Variants in ARSB observed in about 807,000 individuals in gnomAD.
The protein encoded by ARSB is N-acetylgalactosamine-4-sulfatase.
Under a neutral mutation model 50.9 loss-of-function variants are expected in ARSB, and 41 were observed. The ratio of observed to expected loss-of-function variants is 0.81; its 90% CI spans 0.63 to 1.04. ARSB has a LOEUF of 1.04. ARSB is among the 50% of genes least tolerant of loss of function. ARSB has a pLI of 0.00. For missense variants in ARSB, 672 were observed against 693.3 expected, an observed-to-expected ratio of 0.97 and a Z score of 0.35; for synonymous variants, 269 against 284.8, an observed-to-expected ratio of 0.94 and a Z score of 0.56.
chr5:78,976,441 G>T (rs558018610), intron 1 of ARSB, among the ~76,000 whole-genome samples: 25 of 151,908 alleles, frequency 1.6e-4, no homozygotes, highest in Non-Finnish European at 2.6e-4. Flanking sequence ...TCAGTCTCCT[G>T]TGTAGCTGGG....
rs73113983 is a variant in ARSB at position 78,932,916 on chromosome 5, T to G, written c.898+22379A>C. ...AACAGCTCAAGCCCCAGCTCCTCTG[T>G]GAAGTCTTCTCACACAACTCCACTC... On this transcript the variant is annotated intron_variant, in intron 4 of 7. Transcript: ENST00000264914. Among the ~76,000 whole-genome samples the G allele has an allele frequency of 7.5e-3, 1,147 of 152,294 alleles. 16 individuals carry two copies. Among genetic ancestry groups the G allele is most frequent in the African/African-American group, 0.026 (1,101 of 41,564 alleles).
intron 2 of ARSB, 42 bp from the exon 3 acceptor site, chr5:78,964,648 C>T (rs776873835): frequency 6.3e-7 from 1 of 1,578,590 alleles, no homozygotes; most frequent in Admixed American, 1.7e-5. Context: ...TAGCATAAAA[C>T]TTGTTAAACA....
intron 6 of ARSB, among the ~76,000 whole-genome samples, chr5:78,785,909 A>T (rs1374815154): frequency 1.3e-5 from 2 of 152,236 alleles, no homozygotes; most frequent in Non-Finnish European, 2.9e-5. Flanking sequence ...CTGCAGAAGA[A>T]GGGTCAGAGA....
At chr5:78,960,233 T>C (rs927229139) in intron 3 of ARSB, among the ~76,000 whole-genome samples, 1 of 152,228 alleles carries the variant, frequency 6.6e-6, no homozygotes, top group Non-Finnish European at 1.5e-5. Context: ...TGGGGGTTCT[T>C]TTCCCTTTAT....
intron 4 of ARSB, among the ~76,000 whole-genome samples, chr5:78,886,704 G>T (rs191102543): frequency 6.3e-4 from 95 of 151,988 alleles, no homozygotes; most frequent in Non-Finnish European, 8.1e-4. Flanking sequence ...AACTCCCAAA[G>T]TATCCACAGA....
At position 78,955,239 on chromosome 5, in the gene ARSB, T is replaced by C. The variant is rs191984227; in HGVS notation, c.898+56A>G. ...CTCCAATTTGTCTTCATTCCACTTA[T>C]CAAATACCATGTCCTAGGCTTTGCC... On this transcript the variant is annotated intron_variant, in intron 4 of 7. Coordinates refer to ENST00000264914, the MANE Select transcript of ARSB (RefSeq NM_000046.5). 3.2e-5 allele frequency: 51 copies of C among 1,573,394 alleles called. No homozygotes were observed. The African/African-American group carries it at 4.8e-4, about 15-fold the overall frequency.
chr5:78,836,422 G>A (rs1744958006), intron 6 of ARSB, among the ~76,000 whole-genome samples: 1 of 152,184 alleles, frequency 6.6e-6, no homozygotes, highest in South Asian at 2.1e-4. Context: ...CCAACATGAA[G>A]GCCTGGGTGG....
chr5:78,954,603 C>T (rs1177276248), intron 4 of ARSB, among the ~76,000 whole-genome samples: 2 of 152,136 alleles, frequency 1.3e-5, no homozygotes, highest in African/African-American at 4.8e-5. Context: ...CTCCTGGATT[C>T]AAGCAGTTCT....
intron 6 of ARSB, among the ~76,000 whole-genome samples, chr5:78,830,120 G>C: frequency 6.6e-6 from 1 of 152,190 alleles, no homozygotes; most frequent in South Asian, 2.1e-4. Context: ...ATAATTAACA[G>C]GCTACACTTG....
At chr5:78,859,422 C>T (rs1335710115) in intron 5 of ARSB, among the ~76,000 whole-genome samples, 4 of 152,134 alleles carry the variant, frequency 2.6e-5, no homozygotes, top group African/African-American at 4.8e-5. Context: ...ATTGGTAGGA[C>T]TTCTGGGTTA....
At position 78,778,898 on chromosome 5, in the gene ARSB, G is replaced by T. The variant is rs886060787; in HGVS notation, c.*1499C>A. On this transcript the variant is annotated 3_prime_UTR_variant, in exon 8 of 8. Transcript: ENST00000264914. ...CTGGGTGTGGCGGTATATGCCTGTA[G>T]TTCCAGCTATTTGGGTGCCTGAGGT... 6.6e-6 allele frequency: 1 copy of T among 152,062 alleles called. No homozygotes were observed. Among genetic ancestry groups the T allele is most frequent in the African/African-American group, 2.4e-5 (1 of 41,392 alleles). The allele number at this position is 152,062 out of a possible 1,614,324, so 9.4% of individuals were successfully genotyped here.
At chr5:78,905,468 G>A (rs1392236840) in intron 4 of ARSB, among the ~76,000 whole-genome samples, 1 of 151,722 alleles carries the variant, frequency 6.6e-6, no homozygotes, top group Non-Finnish European at 1.5e-5. Context: ...TGGTTAAGCA[G>A]AGAATCAACC....
rs1749272739 is a variant in ARSB, at chr5:78,910,725, T to A, written c.899-24898A>T. Among the ~76,000 whole-genome samples, 5 of 152,210 alleles carry A rather than the reference T, an allele frequency of 3.3e-5. No individual in the cohort carries two copies. The South Asian group carries it at 1.0e-3, about 32-fold the overall frequency. The stretch of plus-strand genomic sequence containing the variant: ...AAAATATCTGAGCACACTAAAAAAA[T>A]TTTTAAAAATCCAACTATCTGAAAA... On this transcript the variant is annotated intron_variant, in intron 4 of 7. Coordinates refer to ENST00000264914, the MANE Select transcript of ARSB (RefSeq NM_000046.5).
At chr5:78,867,880 T>A (rs1359410386) in intron 5 of ARSB, among the ~76,000 whole-genome samples, 1 of 140,126 alleles carries the variant, frequency 7.1e-6, no homozygotes, top group Non-Finnish European at 1.5e-5. Flanking sequence ...CGGGAGGACA[T>A]TCAAACCAAA....
chr5:78,818,598 CTTTTTTT>C (rs775162579), intron 6 of ARSB, among the ~76,000 whole-genome samples: 3 of 74,170 alleles, frequency 4.0e-5, no homozygotes, highest in Admixed American at 2.2e-4. Flanking sequence ...AAATAAAGCT[CTTTTTTT>C]TTTTTTTTTT....
chr5:78,885,877 C>T (rs1234021633), intron 4 of ARSB, 50 bp from the exon 5 acceptor site: 1 of 1,609,782 alleles, frequency 6.2e-7, no homozygotes, highest in South Asian at 1.1e-5. Flanking sequence ...CTCTTAAATA[C>T]ATTTAAGAAC....
chr5:78,940,174 G>A (rs982446201), intron 4 of ARSB, among the ~76,000 whole-genome samples: 11 of 152,134 alleles, frequency 7.2e-5, no homozygotes, highest in African/African-American at 2.7e-4. Context: ...GTAGATTCTG[G>A]ATATTAGCCC....
At chr5:78,836,301 G>A (rs1375138162) in intron 6 of ARSB, among the ~76,000 whole-genome samples, 1 of 152,186 alleles carries the variant, frequency 6.6e-6, no homozygotes, top group Non-Finnish European at 1.5e-5. Flanking sequence ...AGCAGAGAAC[G>A]CTGTGTGTGT....
chr5:78,945,233 G>C (rs1422138251), intron 4 of ARSB, among the ~76,000 whole-genome samples: 1 of 152,182 alleles, frequency 6.6e-6, no homozygotes, highest in Non-Finnish European at 1.5e-5. Context: ...TCCCGGGTGA[G>C]GCGATGCCTC....
Sources: allele counts gnomAD v4.1 joint callset (sites outside exome capture counted in the v4.1 genomes callset), GRCh38; gene constraint gnomAD v4.1.1; transcripts MANE v1.5; gene names NCBI Gene and HGNC (gene_info 2026-07-23, HGNC 2026-07-21).